BCL2: variants seen among roughly 807,000 people sequenced by gnomAD.
The protein encoded by BCL2 is BCL2 apoptosis regulator.
Under a neutral mutation model 14.2 loss-of-function variants are expected in BCL2, and 1 was observed. That is an observed-to-expected ratio of 0.07 (90% CI 0.02 to 0.33). The LOEUF (loss-of-function observed/expected upper bound fraction) is 0.33. BCL2 is among the 10% of genes least tolerant of loss of function. BCL2 has a pLI of 0.99. For synonymous variants in BCL2, 151 were observed against 137.2 expected, an observed-to-expected ratio of 1.10 and a Z score of -0.70; for missense variants, 247 against 305.9, an observed-to-expected ratio of 0.81 and a Z score of 1.44.
At chr18:63,277,682 C>T (rs1400327472) in intron 2 of BCL2, among the ~76,000 whole-genome samples, 1 of 151,152 alleles carries the variant, frequency 6.6e-6, no homozygotes, top group East Asian at 1.9e-4. Flanking sequence ...TCCCCAGGAA[C>T]CAGGAAATTT....
At chr18:63,236,092 C>T (rs1230487207) in intron 2 of BCL2, among the ~76,000 whole-genome samples, 1 of 152,138 alleles carries the variant, frequency 6.6e-6, no homozygotes, top group Non-Finnish European at 1.5e-5. Flanking sequence ...GAATAAGTCT[C>T]ACAAGATCTG....
At chr18:63,264,356 C>T (rs1911754940) in intron 2 of BCL2, among the ~76,000 whole-genome samples, 1 of 152,154 alleles carries the variant, frequency 6.6e-6, no homozygotes, top group African/African-American at 2.4e-5. Context: ...CCCTGTAAAA[C>T]TGGACACTAG....
intron 2 of BCL2, among the ~76,000 whole-genome samples, chr18:63,311,717 C>G (rs1309635842): frequency 6.6e-6 from 1 of 152,148 alleles, no homozygotes; most frequent in African/African-American, 2.4e-5. Flanking sequence ...GCATGTGGCC[C>G]AAACGCGATG....
intron 2 of BCL2, among the ~76,000 whole-genome samples, chr18:63,146,426 T>C (rs1223414015): frequency 2.0e-5 from 3 of 152,132 alleles, no homozygotes; most frequent in Non-Finnish European, 4.4e-5. Context: ...CTAGAGGCAG[T>C]GTGGTTACCA....
At chr18:63,151,590 G>A (rs960607919) in intron 2 of BCL2, among the ~76,000 whole-genome samples, 1 of 152,110 alleles carries the variant, frequency 6.6e-6, no homozygotes, top group Non-Finnish European at 1.5e-5. Context: ...GGCTTGGCCC[G>A]ACTTTGTGGG....
At chr18:63,245,720 T>C (rs1390732930) in intron 2 of BCL2, among the ~76,000 whole-genome samples, 3 of 148,942 alleles carry the variant, frequency 2.0e-5, no homozygotes, top group African/African-American at 7.8e-5. Flanking sequence ...CCATTTACTA[T>C]TGTTATGCAA....
chr18:63,248,240 G>A lies in BCL2; in HGVS notation c.585+69842C>T, dbSNP rs146989954. On this transcript the variant is annotated intron_variant, in intron 2 of 2. Coordinates refer to ENST00000333681, the MANE Select transcript of BCL2 (RefSeq NM_000633.3). ...AAAATCCAGTGGTGAAATAATCCAC[G>A]GATCTGACCGGTGAGAAAAGGTCCT... 1.5e-3 allele frequency among the ~76,000 whole-genome samples: 231 copies of A among 152,324 alleles called. 1 individual carries two copies. The highest frequency in any genetic ancestry group is 5.2e-3 in the African/African-American group (215 of 41,564).
At chr18:63,181,066 G>A (rs1306443182) in intron 2 of BCL2, among the ~76,000 whole-genome samples, 1 of 152,192 alleles carries the variant, frequency 6.6e-6, no homozygotes, top group African/African-American at 2.4e-5. Flanking sequence ...GGCCCCAAAT[G>A]TAAAGCTTTC....
intron 2 of BCL2, among the ~76,000 whole-genome samples, chr18:63,171,324 C>T (rs566559603): frequency 3.3e-5 from 5 of 152,318 alleles, no homozygotes; most frequent in African/African-American, 7.2e-5. Flanking sequence ...AAATAGCCTG[C>T]TGATATATCT....
intron 2 of BCL2, among the ~76,000 whole-genome samples, chr18:63,220,479 C>A (rs1019293023): frequency 3.9e-5 from 6 of 152,188 alleles, no homozygotes; most frequent in African/African-American, 1.4e-4. Flanking sequence ...AGAAATGGGG[C>A]AGAATCCAGG....
intron 2 of BCL2, among the ~76,000 whole-genome samples, chr18:63,267,125 G>A (rs1305843329): frequency 6.6e-6 from 1 of 152,174 alleles, no homozygotes; most frequent in African/African-American, 2.4e-5. Context: ...GGAGGGCAGG[G>A]GACAGCACGA....
chr18:63,304,465 T>A lies in BCL2; in HGVS notation c.585+13617A>T, dbSNP rs556966660. Among the ~76,000 whole-genome samples the A allele has an allele frequency of 1.2e-4, 19 of 152,372 alleles. No individual in the cohort carries two copies. The East Asian group carries it at 1.7e-3, about 14-fold the overall frequency. ...AAAGAGGAGCCCAGTGTTATTTTTT[T>A]AATTTTATTTAGTTACTAAAGGAGA... is the stretch of plus-strand genomic sequence containing the variant. On this transcript the variant is annotated intron_variant, in intron 2 of 2. Transcript: ENST00000333681.
chr18:63,161,548 T>G (rs1322604072), intron 2 of BCL2, among the ~76,000 whole-genome samples: 1 of 152,054 alleles, frequency 6.6e-6, no homozygotes, highest in African/African-American at 2.4e-5. Flanking sequence ...CTGACATACT[T>G]CTCCATATTT....
Position 63,127,332 on chromosome 18 carries a change from C to G in BCL2, c.*1293G>C, listed in dbSNP as rs369042063. Reference sequence around the variant, plus strand: ...GGGCCGTGGCCATTGCCTCTCCTCACGTTCCCAGCCTTCACCATGTCCTTC... The same window carrying G: ...GGGCCGTGGCCATTGCCTCTCCTCAGGTTCCCAGCCTTCACCATGTCCTTC... On this transcript the variant is annotated 3_prime_UTR_variant, in exon 3 of 3. Coordinates refer to ENST00000333681, the MANE Select transcript of BCL2 (RefSeq NM_000633.3). 1 of 232,158 alleles carries G rather than the reference C, an allele frequency of 4.3e-6. No individual in the cohort carries two copies. The highest frequency in any genetic ancestry group is 8.5e-6 in the Non-Finnish European group (1 of 117,324). The allele number at this position is 232,158 out of a possible 1,614,324, so 14.4% of individuals were successfully genotyped here.
At position 63,318,496 on chromosome 18, in the gene BCL2, G is replaced by T; in HGVS notation, c.171C>A (p.Pro57=). Residue 57 remains proline, a synonymous_variant, in exon 2 of 3, where the codon CCC becomes CCA. Coordinates refer to ENST00000333681, the MANE Select transcript of BCL2 (RefSeq NM_000633.3). This position sits in a 1 kb window ranked among gnomAD's most constrained non-coding sequence, Gnocchi z 7.4. ...GIFSSQPGHT[P]HPAASRDPVA... is the part of the protein sequence containing the mutation. ...CCGGGTCCCGGGATGCGGCTGGATG[G>T]GGCGTGTGCCCGGGCTGGGAGGAGA... The T allele has an allele frequency of 1.3e-6, 2 of 1,530,300 alleles. No individual in the cohort carries two copies. The highest frequency in any genetic ancestry group is 1.2e-5 in the South Asian group (1 of 80,412). The allele number at this position is 1,530,300 out of a possible 1,614,324, so 94.8% of individuals were successfully genotyped here.
intron 2 of BCL2, among the ~76,000 whole-genome samples, chr18:63,249,955 C>T (rs911357441): frequency 6.6e-6 from 1 of 152,116 alleles, no homozygotes; most frequent in Non-Finnish European, 1.5e-5. Context: ...GAATGCCGCA[C>T]CGCACACTTG....
intron 2 of BCL2, among the ~76,000 whole-genome samples, chr18:63,298,887 C>T (rs1912875019): frequency 6.6e-6 from 1 of 152,166 alleles, no homozygotes; most frequent in Non-Finnish European, 1.5e-5. Flanking sequence ...CTTCTGGGGC[C>T]TTGAAAGCAG....
intron 2 of BCL2, among the ~76,000 whole-genome samples, chr18:63,169,134 T>G (rs1915120661): frequency 6.6e-6 from 1 of 152,230 alleles, no homozygotes; most frequent in African/African-American, 2.4e-5. Flanking sequence ...TGATCATCCC[T>G]GGTGACACTT....
At chr18:63,260,064 A>C (rs1911609508) in intron 2 of BCL2, among the ~76,000 whole-genome samples, 1 of 152,092 alleles carries the variant, frequency 6.6e-6, no homozygotes, top group African/African-American at 2.4e-5. Context: ...CTGATCTATT[A>C]GTTGTGTTTT....
Sources: gnomAD v4.1 joint callset for allele counts (sites outside exome capture counted in the v4.1 genomes callset) on GRCh38, gnomAD v4.1.1 for gene constraint, Gnocchi (gnomAD v3.1) non-coding constraint, MANE v1.5 for transcripts, NCBI Gene and HGNC (gene_info 2026-07-23, HGNC 2026-07-21) for gene names.